Variants in KLHL32 observed in about 807,000 individuals in gnomAD.
KLHL32 encodes kelch-like protein 32.
Under a neutral mutation model 64.8 loss-of-function variants are expected in KLHL32, and 35 were observed. That is an observed-to-expected ratio of 0.54 (90% CI 0.41 to 0.72). KLHL32 has a LOEUF of 0.72. KLHL32 is among the 30% of genes least tolerant of loss of function. KLHL32 has a pLI of 0.00. For synonymous variants in KLHL32, 259 were observed against 281.0 expected, an observed-to-expected ratio of 0.92 and a Z score of 0.78; for missense variants, 589 against 768.5, an observed-to-expected ratio of 0.77 and a Z score of 2.76.
At chr6:97,105,929 A>T (rs1247074797) in intron 6 of KLHL32, among the ~76,000 whole-genome samples, 1 of 152,206 alleles carries the variant, frequency 6.6e-6, no homozygotes, top group Non-Finnish European at 1.5e-5. Flanking sequence ...GGAAGAGTGC[A>T]ATAATGTTTA....
At chr6:97,038,388 G>A (rs1737640) in intron 3 of KLHL32, among the ~76,000 whole-genome samples, 27,306 of 151,118 alleles carry the variant, frequency 0.18, 2,936 homozygotes, top group African/African-American at 0.32. Flanking sequence ...AAGATATACA[G>A]ATGTCCAATA....
intron 1 of KLHL32, among the ~76,000 whole-genome samples, chr6:96,944,105 A>G (rs1309198327): frequency 6.6e-6 from 1 of 152,170 alleles, no homozygotes; most frequent in African/African-American, 2.4e-5. Context: ...GCTGTTGCTC[A>G]TCGTTATATC....
At chr6:96,995,779 C>G (rs1778348286) in intron 3 of KLHL32, among the ~76,000 whole-genome samples, 1 of 152,316 alleles carries the variant, frequency 6.6e-6, no homozygotes, top group South Asian at 2.1e-4. Context: ...TCCTGATCAC[C>G]CTCTGCCACC....
intron 1 of KLHL32, 23 bp from the exon 2 acceptor site, chr6:96,966,972 CT>C: frequency 2.4e-6 from 3 of 1,245,380 alleles, no homozygotes; most frequent in Non-Finnish European, 3.5e-6. Flanking sequence ...TCAATGCACC[CT>C]TTTCTCTTGT....
chr6:96,904,797 C>A, the KLHL32 span, among the ~76,000 whole-genome samples: 3 of 152,164 alleles, frequency 2.0e-5, no homozygotes, highest in Non-Finnish European at 4.4e-5. Context: ...TAAATAGTGA[C>A]AAGACAGATG....
intron 1 of KLHL32, among the ~76,000 whole-genome samples, chr6:96,940,283 GATAGA>G (rs564818392): frequency 1.1e-4 from 17 of 152,108 alleles, no homozygotes; most frequent in Non-Finnish European, 2.5e-4. Context: ...ATTGCCTAGG[GATAGA>G]ATAGATCAAT....
At chr6:97,122,520 T>A (rs998606280) in intron 7 of KLHL32, among the ~76,000 whole-genome samples, 21 of 152,204 alleles carry the variant, frequency 1.4e-4, no homozygotes, top group African/African-American at 4.3e-4. Flanking sequence ...TTACTTTTTT[T>A]AAGGGCTAAC....
intron 3 of KLHL32, among the ~76,000 whole-genome samples, chr6:97,031,276 G>C (rs1057424817): frequency 6.6e-6 from 1 of 152,006 alleles, no homozygotes; most frequent in Non-Finnish European, 1.5e-5. Context: ...TGATATAATA[G>C]TTCCCCTTTT....
the KLHL32 span, among the ~76,000 whole-genome samples, chr6:96,901,104 T>A: frequency 6.6e-6 from 1 of 152,218 alleles, no homozygotes; most frequent in Non-Finnish European, 1.5e-5. Flanking sequence ...GAGATTAGAA[T>A]GATCAACCAG....
intron 3 of KLHL32, among the ~76,000 whole-genome samples, chr6:97,039,176 A>G (rs900528102): frequency 6.6e-6 from 1 of 152,184 alleles, no homozygotes; most frequent in African/African-American, 2.4e-5. Context: ...AAAATGTGGT[A>G]TATATACCCA....
At chr6:97,066,217 G>A (rs1216803298) in intron 5 of KLHL32, among the ~76,000 whole-genome samples, 1 of 152,148 alleles carries the variant, frequency 6.6e-6, no homozygotes, top group Non-Finnish European at 1.5e-5. Context: ...TTTCCCCATG[G>A]CAGATAGTAA....
intron 5 of KLHL32, among the ~76,000 whole-genome samples, chr6:97,066,118 G>GT (rs1227134751): frequency 6.6e-6 from 1 of 152,212 alleles, no homozygotes; most frequent in African/African-American, 2.4e-5. Flanking sequence ...AAAAGTGTGT[G>GT]TTTGACTTGT....
chr6:97,007,272 T>A (rs996773741), intron 3 of KLHL32, among the ~76,000 whole-genome samples: 6 of 152,198 alleles, frequency 3.9e-5, no homozygotes, highest in African/African-American at 9.7e-5. Context: ...TTTCTTTGGC[T>A]TCATCATTTC....
At chr6:96,937,545 G>A (rs1172920984) in intron 1 of KLHL32, among the ~76,000 whole-genome samples, 5 of 152,138 alleles carry the variant, frequency 3.3e-5, no homozygotes, top group Non-Finnish European at 5.9e-5. Context: ...TGCCTCCACT[G>A]CCCTGTCCCC....
intron 1 of KLHL32, among the ~76,000 whole-genome samples, chr6:96,958,967 C>T (rs983439527): frequency 6.6e-6 from 1 of 152,140 alleles, no homozygotes; most frequent in Non-Finnish European, 1.5e-5. Context: ...TCCCTCTCTG[C>T]TTGGACCCCC....
chr6:96,954,909 C>A (rs1194311839), intron 1 of KLHL32, among the ~76,000 whole-genome samples: 1 of 152,164 alleles, frequency 6.6e-6, no homozygotes, highest in Non-Finnish European at 1.5e-5. Context: ...AACAAACTAC[C>A]ATAGACTGGG....
At chr6:97,042,626 T>G (rs1006826405) in intron 4 of KLHL32, among the ~76,000 whole-genome samples, 9 of 152,106 alleles carry the variant, frequency 5.9e-5, no homozygotes, top group Non-Finnish European at 8.8e-5. Context: ...ACCTACCTAT[T>G]TTTTTTGTGG....
intron 10 of KLHL32, among the ~76,000 whole-genome samples, chr6:97,135,488 A>C (rs982589849): frequency 6.6e-6 from 1 of 151,642 alleles, no homozygotes; most frequent in Non-Finnish European, 1.5e-5. Context: ...TGTATTTTTT[A>C]GTAGACACGG....
chr6:96,910,963 A>C, the KLHL32 span, among the ~76,000 whole-genome samples: 1 of 152,248 alleles, frequency 6.6e-6, no homozygotes, highest in Admixed American at 6.5e-5. Flanking sequence ...CTATGTGAAC[A>C]TGTATGGTAA....
Sources: gnomAD v4.1 joint callset for allele counts (sites outside exome capture counted in the v4.1 genomes callset) on GRCh38, gnomAD v4.1.1 for gene constraint, MANE v1.5 for transcripts, NCBI Gene and HGNC (gene_info 2026-07-23, HGNC 2026-07-21) for gene names.